ZFYVE26: variants seen among roughly 807,000 people sequenced by gnomAD.
The protein encoded by ZFYVE26 is zinc finger FYVE-type containing 26.
A neutral mutation model predicts 276.5 loss-of-function variants in ZFYVE26; 181 were observed. The observed-to-expected ratio is 0.65, with a 90% CI of 0.58 to 0.74. The LOEUF is 0.74. Ranked by LOEUF, ZFYVE26 falls within the 30% of genes least tolerant of loss-of-function variation. The probability of loss-of-function intolerance (pLI) is 0.00; values close to 1 mark genes in which losing one functional copy is unlikely to be tolerated. For missense variants in ZFYVE26, 2,821 were observed against 3,097.9 expected (o/e 0.91, Z 2.12); for synonymous variants, 1,129 against 1,203.1 (o/e 0.94, Z 1.27).
rs1555393855 is a variant in ZFYVE26 at position 67,757,640 on chromosome 14, G to GTCTTTCTCTTTCTTTCTT, written c.6589-1496_6589-1495insAAGAAAGAAAGAGAAAGA. Among the ~76,000 whole-genome samples, 3 of 148,898 alleles carry GTCTTTCTCTTTCTTTCTT rather than the reference G, an allele frequency of 2.0e-5. No homozygotes were observed. The East Asian group carries it at 6.0e-4, about 30-fold the overall frequency. On this transcript the variant is annotated intron_variant, in intron 35 of 41. Coordinates refer to ENST00000347230, the MANE Select transcript of ZFYVE26 (RefSeq NM_015346.4). ...TTCCTACTATGGGGCAGATATTTTTGTCTTTCTTTCTTTCTTTCTTTCTTT... is the reference window on the plus strand; with the variant it reads ...TTCCTACTATGGGGCAGATATTTTTGTCTTTCTCTTTCTTTCTTTCTTTCTTTCTTTCTTTCTTTCTTT...
chr14:67,739,758 C>T (rs895171576), intron 13 of ZFYVE26, among the ~76,000 whole-genome samples: 2 of 152,144 alleles, frequency 1.3e-5, no homozygotes, highest in African/African-American at 4.8e-5. Context: ...CACACCCTTA[C>T]AGGTGTTCAC....
chr14:67,768,461 T>C, intron 30 of ZFYVE26, 56 bp downstream of exon 30: 2 of 1,583,592 alleles, frequency 1.3e-6, no homozygotes, highest in Non-Finnish European at 1.7e-6. Context: ...ATGCTGAAGA[T>C]AGAGTCAACT....
chr14:67,790,166 T>C (rs1031901266), intron 15 of ZFYVE26, among the ~76,000 whole-genome samples: 2 of 152,236 alleles, frequency 1.3e-5, no homozygotes, highest in African/African-American at 4.8e-5. Flanking sequence ...ACCTGTGAAT[T>C]CTAGGCCTTA....
rs747883255 is a variant in ZFYVE26 at position 67,806,520 on chromosome 14, T to G, written c.1017+25A>C. 1.2e-5 allele frequency: 20 copies of G among 1,613,820 alleles called. No homozygotes were observed. The Admixed American group carries it at 3.3e-4, about 27-fold the overall frequency. ...TGGGGAGAATCCCTGGGTACCTCTG[T>G]GATGAACAATTAAGCTTGACTTACC... On this transcript the variant is annotated intron_variant, in intron 6 of 41. Transcript: ENST00000347230.
At chr14:67,759,461 T>C (rs912489983) in intron 35 of ZFYVE26, among the ~76,000 whole-genome samples, 2 of 151,144 alleles carry the variant, frequency 1.3e-5, no homozygotes, top group African/African-American at 4.9e-5. Context: ...CTGTCTCTAC[T>C]AAAAATACAA....
At chr14:67,774,880 G>A (rs941567613) in intron 27 of ZFYVE26, 136 bp downstream of exon 27, 3 of 658,558 alleles carry the variant, frequency 4.6e-6, no homozygotes, top group African/African-American at 3.8e-5. Context: ...AATCTGGAAT[G>A]AACCAAGATA....
In ZFYVE26 at chr14:67,809,435, T is replaced by TA. The variant is rs1491121229; in HGVS notation, c.274-147dup. The TA allele has an allele frequency of 8.5e-6, 5 of 591,592 alleles. No individual in the cohort carries two copies. The African/African-American group carries it at 9.7e-5, about 11-fold the overall frequency. 36.6% of individuals were successfully genotyped at this position (591,592 alleles called of 1,614,324 possible). ...TTTTTTTTTTTTTTTTTTTTTTTTT[T>TA]ATTTTGAGACAGAGTCTTGCTCTGT... On this transcript the variant is annotated intron_variant, in intron 3 of 41. Coordinates refer to ENST00000347230, the MANE Select transcript of ZFYVE26 (RefSeq NM_015346.4).
chr14:67,815,572 C>T (rs1185596398), intron 2 of ZFYVE26, 198 bp downstream of exon 2: 12 of 634,530 alleles, frequency 1.9e-5, no homozygotes, highest in Non-Finnish European at 3.4e-5. Flanking sequence ...CATTCAGTTG[C>T]AGATGATAAT....
In ZFYVE26 at chr14:67,729,336, CGCCCT is replaced by C. The variant is rs386834261; in HGVS notation, n.3158_3162del. The C allele has an allele frequency of 1.8e-4, 288 of 1,599,118 alleles. No individual in the cohort carries two copies. The highest frequency in any genetic ancestry group is 2.3e-4 in the Non-Finnish European group (270 of 1,179,842). On this transcript the variant is annotated non_coding_transcript_exon_variant, in exon 14 of 15. Coordinates refer to the ZFYVE26 transcript ENST00000394455. ...AGGGGGCGCAGACCAGCCTGCACTGCGCCCTGGCTGAGGGCCTGGAGCCCCTGAGT... is the reference window on the plus strand; with the variant it reads ...AGGGGGCGCAGACCAGCCTGCACTGCGGCTGAGGGCCTGGAGCCCCTGAGT...
At chr14:67,733,789 A>G (rs780069379) in intron 13 of ZFYVE26, 1 of 1,613,610 alleles carries the variant, frequency 6.2e-7, no homozygotes, top group South Asian at 1.1e-5. Context: ...CCGAAATAAC[A>G]AAACAGCTGA....
intron 35 of ZFYVE26, among the ~76,000 whole-genome samples, chr14:67,760,010 G>T (rs1023379908): frequency 2.0e-5 from 3 of 152,076 alleles, no homozygotes; most frequent in East Asian, 1.9e-4. Flanking sequence ...AGATATTTCA[G>T]TTCAAGGGTA....
At chr14:67,760,869 A>G (rs2038911211) in intron 35 of ZFYVE26, 2 of 214,518 alleles carry the variant, frequency 9.3e-6, no homozygotes, top group Non-Finnish European at 1.9e-5. Context: ...AAAAAAGGAG[A>G]GCATATTCTT....
In ZFYVE26 at chr14:67,752,324, A is replaced by C; in HGVS notation, c.7371+20T>G. The stretch of plus-strand genomic sequence containing the variant: ...CACTGAAATTGATGGAGGAGCCAAG[A>C]GGTACGGGAGGGAGTGTACCTGGGG... On this transcript the variant is annotated intron_variant, in intron 40 of 41. Coordinates refer to ENST00000347230, the MANE Select transcript of ZFYVE26 (RefSeq NM_015346.4). 6.2e-7 allele frequency: 1 copy of C among 1,602,674 alleles called. No individual in the cohort carries two copies. Among genetic ancestry groups the C allele is most frequent in the African/African-American group, 1.3e-5 (1 of 74,802 alleles).
intron 9 of ZFYVE26, among the ~76,000 whole-genome samples, chr14:67,802,585 C>T (rs550985844): frequency 1.2e-4 from 19 of 152,302 alleles, no homozygotes; most frequent in Admixed American, 1.2e-3. Context: ...TTAAATTTTG[C>T]ACCTTAAATG....
Position 67,797,745 on chromosome 14 carries a change from A to G in ZFYVE26, c.2259T>C (p.Pro753=). The G allele has an allele frequency of 6.2e-7, 1 of 1,614,094 alleles. No homozygotes were observed. The highest frequency in any genetic ancestry group is 1.1e-5 in the South Asian group (1 of 91,082). Residue 753 remains proline, a synonymous_variant, in exon 12 of 42, where the codon CCT becomes CCC. Transcript: ENST00000347230. ...VTSNHRSEEQ[P]SRRYQPATRH... ...GTGTGGCAGGCTGGTATCTTCGGGAAGGTTGCTCCTCTGAAAGAGCAAACC... is the reference window on the plus strand; with the variant it reads ...GTGTGGCAGGCTGGTATCTTCGGGAGGGTTGCTCCTCTGAAAGAGCAAACC...
Position 67,748,046 on chromosome 14 carries a change from G to C in ZFYVE26, c.*390C>G. On this transcript the variant is annotated 3_prime_UTR_variant, in exon 42 of 42. Coordinates refer to ENST00000347230, the MANE Select transcript of ZFYVE26 (RefSeq NM_015346.4). ...AACCCGGGTCAAGAACCAAAACGCAGGGAAGGTTTTCAGAGTGGCAAGTCT... is the reference window on the plus strand; with the variant it reads ...AACCCGGGTCAAGAACCAAAACGCACGGAAGGTTTTCAGAGTGGCAAGTCT... 4.0e-6 allele frequency: 1 copy of C among 252,452 alleles called. No individual in the cohort carries two copies. The highest frequency in any genetic ancestry group is 5.7e-5 in the South Asian group (1 of 17,654). 15.6% of individuals were successfully genotyped at this position (252,452 alleles called of 1,614,324 possible). A position where few individuals can be genotyped will look rare whatever the true frequency, so the allele number is the denominator to read the frequency against.
At position 67,775,046 on chromosome 14, in the gene ZFYVE26, A is replaced by G; in HGVS notation, c.5290T>C (p.Ser1764Pro). 6.2e-7 allele frequency: 1 copy of G among 1,612,550 alleles called. No individual in the cohort carries two copies. The highest frequency in any genetic ancestry group is 8.5e-7 in the Non-Finnish European group (1 of 1,179,474). Residue 1764 changes from serine to proline, a missense_variant, in exon 27 of 42, where the codon TCA becomes CCA. By Grantham distance (74) the Ser-to-Pro change is moderately conservative. Transcript: ENST00000347230. ...ADPETLPRSP[S>P]AEFSPAAPPG... Reference sequence around the variant, plus strand: ...GGAGCAGCAGGAGAGAACTCTGCTGATGGTGATCTAGGGAGGGTCTCGGGA... The same window carrying G: ...GGAGCAGCAGGAGAGAACTCTGCTGGTGGTGATCTAGGGAGGGTCTCGGGA...
In ZFYVE26 at chr14:67,761,452, G is replaced by T. The variant is rs1406443183; in HGVS notation, c.6502C>A (p.His2168Asn). The T allele has an allele frequency of 6.2e-7, 1 of 1,614,082 alleles. No homozygotes were observed. Among genetic ancestry groups the T allele is most frequent in the African/African-American group, 1.3e-5 (1 of 74,930 alleles). The change falls in exon 35 of 42, where the codon CAC becomes AAC. Residue 2168 changes from histidine to asparagine, a missense_variant. By Grantham distance (68) the His-to-Asn change is moderately conservative. Coordinates refer to ENST00000347230, the MANE Select transcript of ZFYVE26 (RefSeq NM_015346.4). ...TYYQECLFYL[H>N]NYSTNLAIIS... ...ATGGCCAGGTTGGTGCTATAGTTGT[G>T]CAGGTAGAAGAGGCATTCCTGGTAG...
At chr14:67,791,871 C>A (rs965330365) in intron 14 of ZFYVE26, among the ~76,000 whole-genome samples, 1 of 151,106 alleles carries the variant, frequency 6.6e-6, no homozygotes, top group South Asian at 2.1e-4. Context: ...ACCAGCCTGG[C>A]CAACATGGTG....
Sources: gnomAD v4.1 joint callset for allele counts (sites outside exome capture counted in the v4.1 genomes callset) on GRCh38, gnomAD v4.1.1 for gene constraint, MANE v1.5 for transcripts, NCBI Gene and HGNC (gene_info 2026-07-23, HGNC 2026-07-21) for gene names.